GABBR2: variants seen among roughly 807,000 people sequenced by gnomAD.
GABBR2 encodes the protein G-protein coupled receptor 51.
In GABBR2, 23 loss-of-function variants were observed where a neutral mutation model predicts 105.6. That is an observed-to-expected ratio of 0.22 (90% CI 0.16 to 0.31). The LOEUF is 0.31. GABBR2 is among the 10% of genes least tolerant of loss of function. The pLI is 1.00. For synonymous variants in GABBR2, 478 were observed against 499.7 expected (o/e 0.96, Z 0.58); for missense variants, 734 against 1,245.5 (o/e 0.59, Z 6.18).
intron 3 of GABBR2, among the ~76,000 whole-genome samples, chr9:98,529,245 G>T (rs559640841): frequency 2.5e-4 from 38 of 152,280 alleles, no homozygotes; most frequent in African/African-American, 9.1e-4. Flanking sequence ...AATATAGGAA[G>T]AAAGGGAACA....
At chr9:98,513,615 TCAAAAGAAGA>T (rs1827698569) in intron 3 of GABBR2, among the ~76,000 whole-genome samples, 2 of 151,010 alleles carry the variant, frequency 1.3e-5, no homozygotes, top group South Asian at 2.1e-4. Flanking sequence ...CAGACACTTC[TCAAAAGAAGA>T]CATTTATGCA....
chr9:98,318,535 C>T (rs1460068359), intron 13 of GABBR2, among the ~76,000 whole-genome samples: 1 of 152,164 alleles, frequency 6.6e-6, no homozygotes, highest in Admixed American at 6.5e-5. Context: ...GGCGAGGCAA[C>T]AGGCCCAGGC....
chr9:98,686,049 C>A (rs7847809), intron 1 of GABBR2, among the ~76,000 whole-genome samples: 28,461 of 152,088 alleles, frequency 0.19, 2,988 homozygotes, highest in South Asian at 0.27. Context: ...GACCTTTGGG[C>A]TTCCATGTCT....
At position 98,682,366 on chromosome 9, in the gene GABBR2, CTTTTTTTTTTTTTT is replaced by C. The variant is rs58885676; in HGVS notation, c.321+26037_321+26050del. ...CGAGATAGGAGATGGATTTTACCAT[CTTTTTTTTTTTTTT>C]TTTTTTTTTTTTTGAGATAGAGTTT... On this transcript the variant is annotated intron_variant, in intron 1 of 18. Transcript: ENST00000259455. 1.1e-4 allele frequency among the ~76,000 whole-genome samples: 6 copies of C among 52,264 alleles called. No homozygotes were observed. The South Asian group carries it at 3.5e-3, about 31-fold the overall frequency. 34.3% of individuals were successfully genotyped at this position (52,264 alleles called of 152,430 possible).
At chr9:98,584,332 C>T (rs1238226716) in intron 1 of GABBR2, among the ~76,000 whole-genome samples, 1 of 152,176 alleles carries the variant, frequency 6.6e-6, no homozygotes, top group Non-Finnish European at 1.5e-5. Flanking sequence ...ATAGTAGGTG[C>T]TCAATAAATG....
At chr9:98,634,249 A>G (rs1233829319) in intron 1 of GABBR2, among the ~76,000 whole-genome samples, 1 of 152,228 alleles carries the variant, frequency 6.6e-6, no homozygotes, top group East Asian at 1.9e-4. Flanking sequence ...AAGAATGTGG[A>G]ACTTCTAAAT....
intron 1 of GABBR2, among the ~76,000 whole-genome samples, chr9:98,599,377 C>T (rs1588245428): frequency 6.6e-6 from 1 of 152,218 alleles, no homozygotes; most frequent in Non-Finnish European, 1.5e-5. Context: ...CCCCTGAGGG[C>T]CTTGCCATAG....
At chr9:98,607,778 A>G in intron 1 of GABBR2, 1 of 789,198 alleles carries the variant, frequency 1.3e-6, no homozygotes, top group South Asian at 1.4e-5. Context: ...GCTGTGACTT[A>G]TAATGGAATT....
intron 1 of GABBR2, among the ~76,000 whole-genome samples, chr9:98,697,560 A>G (rs1034697552): frequency 2.6e-5 from 4 of 152,050 alleles, no homozygotes; most frequent in African/African-American, 9.7e-5. Flanking sequence ...GCTGCAAAGC[A>G]CTGACATAGG....
rs140612341 is a variant in GABBR2 at position 98,319,209 on chromosome 9, G to A, written c.1894-8004C>T. ...GGCTGGCAAGATGATCAAAGGAGGT[G>A]CGGTGTGACTCGCAAGCTGGAGAGA... On this transcript the variant is annotated intron_variant, in intron 13 of 18. Coordinates refer to ENST00000259455, the MANE Select transcript of GABBR2 (RefSeq NM_005458.8). Among the ~76,000 whole-genome samples the A allele has an allele frequency of 2.6e-3, 403 of 152,220 alleles. 3 individuals are homozygous for A. The highest frequency in any genetic ancestry group is 9.4e-3 in the African/African-American group (390 of 41,524).
At chr9:98,638,929 A>T (rs531129753) in intron 1 of GABBR2, among the ~76,000 whole-genome samples, 1 of 152,354 alleles carries the variant, frequency 6.6e-6, no homozygotes, top group South Asian at 2.1e-4. Context: ...GAGGTATATA[A>T]GCTCTGGAAG....
intron 2 of GABBR2, among the ~76,000 whole-genome samples, chr9:98,564,179 G>C (rs1287624259): frequency 6.6e-6 from 1 of 152,182 alleles, no homozygotes; most frequent in African/African-American, 2.4e-5. Context: ...GTCCTCCATG[G>C]ACAGGCAGGA....
chr9:98,399,276 C>T (rs1832347297), intron 8 of GABBR2, among the ~76,000 whole-genome samples: 1 of 151,440 alleles, frequency 6.6e-6, no homozygotes, highest in Non-Finnish European at 1.5e-5. Flanking sequence ...ATTGCTTGAA[C>T]CTGGGACGGA....
intron 1 of GABBR2, among the ~76,000 whole-genome samples, chr9:98,706,100 C>CA (rs1261779483): frequency 2.6e-4 from 8 of 31,286 alleles, no homozygotes; most frequent in South Asian, 8.4e-4. Flanking sequence ...CAAAACAAAA[C>CA]AAAAAAAACA....
chr9:98,320,220 T>C (rs1433145430), intron 13 of GABBR2, among the ~76,000 whole-genome samples: 3 of 151,810 alleles, frequency 2.0e-5, no homozygotes, highest in African/African-American at 4.8e-5. Flanking sequence ...AAAAAACACA[T>C]GAAAAAATGC....
chr9:98,362,517 T>G, intron 13 of GABBR2, 198 bp downstream of exon 13: 1 of 341,160 alleles, frequency 2.9e-6, no homozygotes. Context: ...TCTGCGTGTA[T>G]TAATATTAAA....
At chr9:98,300,647 T>C (rs957376416) in intron 16 of GABBR2, among the ~76,000 whole-genome samples, 3 of 152,218 alleles carry the variant, frequency 2.0e-5, no homozygotes, top group Non-Finnish European at 2.9e-5. Context: ...AGTCTTTTGT[T>C]ATAATGTTGG....
rs573973108 is a variant in GABBR2 at position 98,435,126 on chromosome 9, T to G, written c.1236+18855A>C. On this transcript the variant is annotated intron_variant, in intron 7 of 18. Coordinates refer to ENST00000259455, the MANE Select transcript of GABBR2 (RefSeq NM_005458.8). ...AATGCGCATTTGCCAAACATCCTTCTGGACCTGATCTTTGCTTCTGCATGA... is the reference window on the plus strand; with the variant it reads ...AATGCGCATTTGCCAAACATCCTTCGGGACCTGATCTTTGCTTCTGCATGA... 1.5e-4 allele frequency among the ~76,000 whole-genome samples: 23 copies of G among 152,358 alleles called. No individual in the cohort carries two copies. In the South Asian group the frequency reaches 4.8e-3, roughly 32 times the overall value.
intron 18 of GABBR2, 123 bp from the exon 19 acceptor site, chr9:98,290,872 T>G: frequency 4.0e-5 from 22 of 549,340 alleles, no homozygotes; most frequent in Non-Finnish European, 6.0e-5. Flanking sequence ...GAATCCAAGA[T>G]CTGTCCATCC....
Sources: allele counts gnomAD v4.1 joint callset (sites outside exome capture counted in the v4.1 genomes callset), GRCh38; gene constraint gnomAD v4.1.1; transcripts MANE v1.5; gene names NCBI Gene and HGNC (gene_info 2026-07-23, HGNC 2026-07-21).